Variants in UBR1 observed in about 807,000 individuals in gnomAD.
UBR1 encodes the protein ubiquitin protein ligase E3 component n-recognin 1.
In UBR1, 102 loss-of-function variants were observed where a neutral mutation model predicts 242.1. The observed-to-expected ratio is 0.42, with a 90% CI of 0.36 to 0.50. The LOEUF (loss-of-function observed/expected upper bound fraction) is 0.50, where lower values mean the gene tolerates loss of function less well. UBR1 is among the 20% of genes least tolerant of loss of function. The probability of loss-of-function intolerance (pLI) is 0.01; values close to 1 mark genes in which losing one functional copy is unlikely to be tolerated. For missense variants in UBR1, 1,772 were observed against 2,101.8 expected, an observed-to-expected ratio of 0.84 and a Z score of 3.07; for synonymous variants, 675 against 684.8, an observed-to-expected ratio of 0.99 and a Z score of 0.22.
chr15:43,047,116 T>A (rs777654848), intron 14 of UBR1, 45 bp downstream of exon 14: 5 of 1,610,314 alleles, frequency 3.1e-6, no homozygotes, highest in Non-Finnish European at 4.2e-6. Flanking sequence ...TAATAATTAC[T>A]AAGAACTTAA....
chr15:42,964,617 C>T (rs1239919453), intron 41 of UBR1, among the ~76,000 whole-genome samples: 1 of 152,090 alleles, frequency 6.6e-6, no homozygotes, highest in African/African-American at 2.4e-5. Flanking sequence ...ATACAAGGTC[C>T]CTATCGTGGC....
intron 25 of UBR1, among the ~76,000 whole-genome samples, 184 bp from the exon 26 acceptor site, chr15:43,022,985 C>T (rs558556706): frequency 6.6e-6 from 1 of 152,228 alleles, no homozygotes; most frequent in Admixed American, 6.5e-5. Flanking sequence ...GCCTCAGCCT[C>T]CTGAGTAGCT....
Position 42,946,188 on chromosome 15 carries a change from G to C in UBR1, c.5109-718C>G, listed in dbSNP as rs191933065. On this transcript the variant is annotated intron_variant, in intron 46 of 46. Transcript: ENST00000290650. ...TGCCCAGGCTGGAGTGCCGTGGTACGATCACGGCTCAGGGCAACCTCTGCC... is the reference window on the plus strand; with the variant it reads ...TGCCCAGGCTGGAGTGCCGTGGTACCATCACGGCTCAGGGCAACCTCTGCC... 6.0e-4 allele frequency among the ~76,000 whole-genome samples: 91 copies of C among 152,124 alleles called. No individual in the cohort carries two copies. The Middle Eastern group carries it at 0.01, about 17-fold the overall frequency.
intron 46 of UBR1, among the ~76,000 whole-genome samples, chr15:42,947,161 C>T (rs2141246471): frequency 6.6e-6 from 1 of 152,122 alleles, no homozygotes; most frequent in South Asian, 2.1e-4. Flanking sequence ...AAAAAAGTTT[C>T]AAGTATTGCA....
intron 30 of UBR1, 77 bp from the exon 31 acceptor site, chr15:43,004,007 G>T: frequency 1.6e-6 from 2 of 1,256,288 alleles, no homozygotes; most frequent in Non-Finnish European, 2.3e-6. Flanking sequence ...ACTGTCTTAG[G>T]AATGTCCAAG....
chr15:42,987,853 A>G (rs2141275316), intron 35 of UBR1, among the ~76,000 whole-genome samples: 1 of 152,274 alleles, frequency 6.6e-6, no homozygotes, highest in African/African-American at 2.4e-5. Flanking sequence ...AAATATATAT[A>G]TTGAAAGGGA....
intron 26 of UBR1, 119 bp from the exon 27 acceptor site, chr15:43,021,494 T>A: frequency 1.2e-6 from 1 of 820,276 alleles, no homozygotes; most frequent in Non-Finnish European, 2.1e-6. Flanking sequence ...AATTCCCTTA[T>A]GTAAAATGGT....
At chr15:42,946,226 G>A (rs958034126) in intron 46 of UBR1, among the ~76,000 whole-genome samples, 4 of 152,240 alleles carry the variant, frequency 2.6e-5, no homozygotes, top group Non-Finnish European at 5.9e-5. Flanking sequence ...CCAGTTTCAA[G>A]CAATTCTCCT....
At chr15:43,023,167 C>A (rs2033132453) in intron 25 of UBR1, among the ~76,000 whole-genome samples, 1 of 152,000 alleles carries the variant, frequency 6.6e-6, no homozygotes, top group African/African-American at 2.4e-5. Context: ...GCCACCATGC[C>A]TAGCAAGGTA....
At chr15:43,071,613 T>C (rs998246072) in intron 4 of UBR1, among the ~76,000 whole-genome samples, 10 of 152,104 alleles carry the variant, frequency 6.6e-5, no homozygotes, top group Admixed American at 6.6e-4. Context: ...AGATGATAAA[T>C]TAATGTCATA....
In UBR1 at chr15:42,945,236, A is replaced by G; in HGVS notation, c.*93T>C. 6.3e-7 allele frequency: 1 copy of G among 1,577,182 alleles called. No individual in the cohort carries two copies. The highest frequency in any genetic ancestry group is 2.3e-5 in the East Asian group (1 of 44,328). Reference sequence around the variant, plus strand: ...CTGGACATGGAGCAAAAGACCCTCCAATACTTTCCCAGCCCTCAGAAAGTT... The same window carrying G: ...CTGGACATGGAGCAAAAGACCCTCCGATACTTTCCCAGCCCTCAGAAAGTT... On this transcript the variant is annotated 3_prime_UTR_variant, in exon 47 of 47. Coordinates refer to ENST00000290650, the MANE Select transcript of UBR1 (RefSeq NM_174916.3).
rs145695710 is a variant in UBR1, at chr15:43,007,278, T to C, written c.3216A>G (p.Pro1072=). 1,252 of 1,614,134 alleles carry C rather than the reference T, an allele frequency of 7.8e-4. 1 individual carries two copies. The highest frequency in any genetic ancestry group is 9.7e-4 in the Non-Finnish European group (1,145 of 1,179,996). ...EDSIMEEEST[P]AVSDYSRIAL... ...CAATTCTAGAGTAGTCACTGACTGC[T>C]GGGGTGCTACCAAAAGAAATGATCA... The change falls in exon 30 of 47, where the codon CCA becomes CCG. Residue 1072 remains proline, a synonymous_variant. Coordinates refer to ENST00000290650, the MANE Select transcript of UBR1 (RefSeq NM_174916.3).
chr15:43,004,641 G>A (rs531825663), intron 30 of UBR1, among the ~76,000 whole-genome samples: 2 of 152,168 alleles, frequency 1.3e-5, no homozygotes, highest in African/African-American at 2.4e-5. Flanking sequence ...TCAGCCTCCC[G>A]AGGTGCCGGG....
chr15:43,096,743 T>G (rs998000504), intron 1 of UBR1, among the ~76,000 whole-genome samples: 1 of 152,188 alleles, frequency 6.6e-6, no homozygotes, highest in African/African-American at 2.4e-5. Context: ...CAATTCCTCA[T>G]CCATTAAGTT....
At chr15:43,094,489 C>A (rs1311375627) in intron 1 of UBR1, among the ~76,000 whole-genome samples, 3 of 150,288 alleles carry the variant, frequency 2.0e-5, no homozygotes, top group Admixed American at 2.0e-4. Context: ...TTCTTTTTTT[C>A]TTTTTAAATT....
intron 37 of UBR1, among the ~76,000 whole-genome samples, chr15:42,983,280 T>C (rs1355538644): frequency 6.6e-6 from 1 of 152,166 alleles, no homozygotes; most frequent in Non-Finnish European, 1.5e-5. Context: ...ACATGGATGT[T>C]AGTGGTTGTA....
chr15:43,086,292 C>T (rs774140412), intron 1 of UBR1, 52 bp from the exon 2 acceptor site: 9 of 1,587,194 alleles, frequency 5.7e-6, no homozygotes, highest in Non-Finnish European at 6.9e-6. Context: ...CCTTCTTAAT[C>T]ATCTAGGGGC....
chr15:43,044,823 A>G (rs921788262), intron 14 of UBR1, among the ~76,000 whole-genome samples: 7 of 152,172 alleles, frequency 4.6e-5, no homozygotes, highest in African/African-American at 7.2e-5. Flanking sequence ...TGAACCCAGG[A>G]GGCGGAGGTT....
rs201904524 is a variant in UBR1, at chr15:42,962,132, T to TC, written c.4701-1432_4701-1431insG. On this transcript the variant is annotated intron_variant, in intron 42 of 46. Transcript: ENST00000290650. ...CTTTCTTTGTTGTGTCTAATTATTT[T>TC]TCTTCTCTTATTCATTTATTTTTTA... 8.0e-3 allele frequency among the ~76,000 whole-genome samples: 325 copies of TC among 40,378 alleles called. 7 individuals carry two copies. In the East Asian group the frequency reaches 0.1, roughly 13 times the overall value. The allele number at this position is 40,378 out of a possible 152,430, so 26.5% of individuals were successfully genotyped here. A position where few individuals can be genotyped will look rare whatever the true frequency, so the allele number is the denominator to read the frequency against.
Sources: gnomAD v4.1 joint callset for allele counts (sites outside exome capture counted in the v4.1 genomes callset) on GRCh38, gnomAD v4.1.1 for gene constraint, MANE v1.5 for transcripts, NCBI Gene and HGNC (gene_info 2026-07-23, HGNC 2026-07-21) for gene names.